The following ATP6V0E1 variants were observed in gnomAD, a reference collection of about 807,000 sequenced individuals.
ATP6V0E1 encodes the protein V-type proton ATPase subunit e 1.
In ATP6V0E1, 4 loss-of-function variants were observed where a neutral mutation model predicts 11.6. The observed-to-expected ratio is 0.35, with a 90% confidence interval of 0.17 to 0.79. ATP6V0E1 has a LOEUF of 0.79. Ranked by LOEUF, ATP6V0E1 falls within the 30% of genes least tolerant of loss-of-function variation. The probability of loss-of-function intolerance (pLI) is 0.54; values close to 1 mark genes in which losing one functional copy is unlikely to be tolerated. For synonymous variants in ATP6V0E1, 36 were observed against 34.8 expected (o/e 1.04, Z -0.13); for missense variants, 105 against 100.0 (o/e 1.05, Z -0.21).
intron 1 of ATP6V0E1, among the ~76,000 whole-genome samples, chr5:172,987,448 T>G (rs768777781): frequency 3.9e-5 from 6 of 152,004 alleles, no homozygotes; most frequent in Admixed American, 6.6e-5. Flanking sequence ...CATGCCTGGC[T>G]AATTTTTGTA....
chr5:173,021,603 A>C (rs1316157174), intron 3 of ATP6V0E1, among the ~76,000 whole-genome samples: 1 of 152,068 alleles, frequency 6.6e-6, no homozygotes, highest in Non-Finnish European at 1.5e-5. Flanking sequence ...GACACAGCCA[A>C]ACCATATCAG....
intron 1 of ATP6V0E1, chr5:172,986,642 G>A: frequency 2.4e-6 from 1 of 424,738 alleles, no homozygotes; most frequent in South Asian, 1.7e-5. Context: ...AATGAAACAA[G>A]TCCAGTGTCA....
At chr5:172,996,758 CAT>C (rs1561769027) in intron 2 of ATP6V0E1, among the ~76,000 whole-genome samples, 2 of 152,058 alleles carry the variant, frequency 1.3e-5, no homozygotes, top group African/African-American at 2.4e-5. Context: ...AGGCATAACA[CAT>C]ATGTTAACAG....
At chr5:172,994,498 G>A (rs569939093) in intron 1 of ATP6V0E1, among the ~76,000 whole-genome samples, 1 of 152,324 alleles carries the variant, frequency 6.6e-6, no homozygotes, top group African/African-American at 2.4e-5. Context: ...TGTCACTGCG[G>A]CCTTTCCTGT....
chr5:172,992,428 C>G (rs1466916547), intron 1 of ATP6V0E1, among the ~76,000 whole-genome samples: 1 of 152,134 alleles, frequency 6.6e-6, no homozygotes, highest in Non-Finnish European at 1.5e-5. Flanking sequence ...ACCTCTTTGA[C>G]CTCACCTTTC....
intron 2 of ATP6V0E1, among the ~76,000 whole-genome samples, chr5:173,015,147 G>C (rs564092251): frequency 3.3e-5 from 5 of 152,146 alleles, no homozygotes; most frequent in Non-Finnish European, 7.4e-5. Context: ...GTCACTTTTT[G>C]AAGTGGGAAC....
chr5:172,993,136 C>G (rs1015006964), intron 1 of ATP6V0E1, among the ~76,000 whole-genome samples: 1 of 152,192 alleles, frequency 6.6e-6, no homozygotes, highest in Non-Finnish European at 1.5e-5. Flanking sequence ...TTCCTGTTCT[C>G]TCCTCAGACC....
At chr5:173,025,504 CTTTTTTTT>C (rs60822937) in intron 3 of ATP6V0E1, among the ~76,000 whole-genome samples, 11 of 65,564 alleles carry the variant, frequency 1.7e-4, no homozygotes, top group Admixed American at 6.9e-4. Flanking sequence ...ATATAAAATA[CTTTTTTTT>C]TTTTTTTTTT....
intron 2 of ATP6V0E1, among the ~76,000 whole-genome samples, chr5:173,015,992 G>A (rs982110693): frequency 1.3e-5 from 2 of 152,116 alleles, no homozygotes; most frequent in African/African-American, 2.4e-5. Flanking sequence ...TCCCAGTGTC[G>A]AGATTACAGG....
chr5:173,020,399 T>A, intron 3 of ATP6V0E1, 32 bp downstream of exon 3: 1 of 1,315,418 alleles, frequency 7.6e-7, no homozygotes, highest in Non-Finnish European at 1.1e-6. Context: ...CTTATCAGTA[T>A]GGTCAGGCAG....
intron 2 of ATP6V0E1, among the ~76,000 whole-genome samples, chr5:172,998,564 T>C (rs2113587384): frequency 7.0e-6 from 1 of 142,804 alleles, no homozygotes; most frequent in Non-Finnish European, 1.5e-5. Flanking sequence ...TGAGCCAAGA[T>C]CGCTCCACTG....
At chr5:173,031,824 A>G (rs950669051) in intron 3 of ATP6V0E1, among the ~76,000 whole-genome samples, 1 of 75,654 alleles carries the variant, frequency 1.3e-5, no homozygotes, top group Non-Finnish European at 2.3e-5. Flanking sequence ...CTCTGCCTCA[A>G]AAAAAAAAAA....
chr5:173,022,693 G>C (rs1310906363), intron 3 of ATP6V0E1, among the ~76,000 whole-genome samples: 1 of 151,868 alleles, frequency 6.6e-6, no homozygotes, highest in East Asian at 1.9e-4. Context: ...GAATGCAGTG[G>C]CACCATCATG....
At chr5:173,024,154 C>T (rs1397400628) in intron 3 of ATP6V0E1, among the ~76,000 whole-genome samples, 8 of 145,450 alleles carry the variant, frequency 5.5e-5, no homozygotes, top group Non-Finnish European at 7.4e-5. Context: ...GCGGAGATTG[C>T]GCCACTGCAT....
chr5:172,996,151 G>A lies in ATP6V0E1; in HGVS notation c.152+1329G>A, dbSNP rs112319606. On this transcript the variant is annotated intron_variant, in intron 2 of 3. Transcript: ENST00000519374. ...TCCAAGAAACACCCACTGCATGCCCGTTAATAAAAGAGGACCATAACAAAA... is the reference window on the plus strand; with the variant it reads ...TCCAAGAAACACCCACTGCATGCCCATTAATAAAAGAGGACCATAACAAAA... Among the ~76,000 whole-genome samples, 1,326 of 152,186 alleles carry A rather than the reference G, an allele frequency of 8.7e-3. 19 individuals carry two copies. Among genetic ancestry groups the A allele is most frequent in the African/African-American group, 0.03 (1,260 of 41,512 alleles).
intron 3 of ATP6V0E1, among the ~76,000 whole-genome samples, chr5:173,028,672 G>A (rs1436845236): frequency 6.6e-6 from 1 of 152,196 alleles, no homozygotes; most frequent in African/African-American, 2.4e-5. Context: ...TTGAAGAACC[G>A]AACCACAGCC....
intron 1 of ATP6V0E1, among the ~76,000 whole-genome samples, chr5:172,993,676 G>A (rs1038707869): frequency 8.6e-5 from 10 of 116,330 alleles, no homozygotes; most frequent in African/African-American, 3.1e-4. Context: ...TCAACATATT[G>A]AGACCCCCCC....
chr5:172,994,648 C>G, intron 1 of ATP6V0E1, 127 bp from the exon 2 acceptor site: 1 of 742,694 alleles, frequency 1.3e-6, no homozygotes, highest in South Asian at 2.1e-5. Context: ...TGAGCAAATA[C>G]AGATCCAATT....
At chr5:172,999,537 G>T (rs1260643217) in intron 2 of ATP6V0E1, among the ~76,000 whole-genome samples, 1 of 152,016 alleles carries the variant, frequency 6.6e-6, no homozygotes, top group African/African-American at 2.4e-5. Context: ...TTGTTGCCCA[G>T]GCTAGTCTTG....
Sources: allele counts gnomAD v4.1 joint callset (sites outside exome capture counted in the v4.1 genomes callset), GRCh38; gene constraint gnomAD v4.1.1; transcripts MANE v1.5; gene names NCBI Gene and HGNC (gene_info 2026-07-23, HGNC 2026-07-21).